The following PTPRN2 variants were observed in gnomAD, a reference collection of about 807,000 sequenced individuals.
PTPRN2 encodes the protein receptor-type tyrosine-protein phosphatase N2.
Under a neutral mutation model 118.8 loss-of-function variants are expected in PTPRN2, and 74 were observed. The ratio of observed to expected loss-of-function variants is 0.62; its 90% CI spans 0.52 to 0.76. PTPRN2 has a LOEUF of 0.76. Ranked by LOEUF, PTPRN2 falls within the 30% of genes least tolerant of loss-of-function variation. The pLI is 0.00. For missense variants in PTPRN2, 1,481 were observed against 1,394.4 expected, an observed-to-expected ratio of 1.06 and a Z score of -0.99; for synonymous variants, 641 against 608.0, an observed-to-expected ratio of 1.05 and a Z score of -0.80.
chr7:158,172,302 G>T (rs1823771410), intron 5 of PTPRN2, among the ~76,000 whole-genome samples: 1 of 152,174 alleles, frequency 6.6e-6, no homozygotes, highest in Non-Finnish European at 1.5e-5. Context: ...CCACTGTGAG[G>T]ATTAGGGAGA....
Position 158,517,503 on chromosome 7 carries a change from C to G in PTPRN2, c.113-27718G>C, listed in dbSNP as rs1823657689. 6.6e-6 allele frequency among the ~76,000 whole-genome samples: 1 copy of G among 152,218 alleles called. No individual in the cohort carries two copies. ...TGACTCTGCCTCAGCCCCACCGCCC[C>G]CCAGCCTGAGCCCCGTTCCACCTCC... On this transcript the variant is annotated intron_variant, in intron 1 of 22. Transcript: ENST00000389418. The surrounding 1 kb of genome is among the most constrained non-coding windows in gnomAD (Gnocchi z 5.3).
intron 11 of PTPRN2, among the ~76,000 whole-genome samples, chr7:158,002,743 G>GA (rs1206017146): frequency 6.6e-6 from 1 of 152,230 alleles, no homozygotes; most frequent in African/African-American, 2.4e-5. Context: ...CAGCTGCAGC[G>GA]AGAGAAATGG....
At chr7:157,745,795 G>T (rs1028836557) in intron 12 of PTPRN2, among the ~76,000 whole-genome samples, 1 of 152,174 alleles carries the variant, frequency 6.6e-6, no homozygotes, top group Non-Finnish European at 1.5e-5. Context: ...TTTCCAGGCA[G>T]TCGGTAAATG....
At position 157,760,255 on chromosome 7, in the gene PTPRN2, G is replaced by A. The variant is rs555795567; in HGVS notation, c.1789-77318C>T. Among the ~76,000 whole-genome samples the A allele has an allele frequency of 1.2e-3, 189 of 152,210 alleles. 1 individual carries two copies. The highest frequency in any genetic ancestry group is 4.5e-3 in the African/African-American group (188 of 41,506). On this transcript the variant is annotated intron_variant, in intron 12 of 22. Transcript: ENST00000389418. ...AATCTTACAGCTGATGTGGGGTAGAGACAGAATCCCACCCAGGTTTGGCTC... is the reference window on the plus strand; with the variant it reads ...AATCTTACAGCTGATGTGGGGTAGAAACAGAATCCCACCCAGGTTTGGCTC...
At chr7:157,809,637 C>T (rs895067342) in intron 12 of PTPRN2, among the ~76,000 whole-genome samples, 3 of 152,154 alleles carry the variant, frequency 2.0e-5, no homozygotes, top group Non-Finnish European at 4.4e-5. Context: ...AGACACGCCC[C>T]GAGGACGGAG....
intron 2 of PTPRN2, among the ~76,000 whole-genome samples, chr7:158,413,746 C>A (rs954609320): frequency 6.6e-6 from 1 of 152,200 alleles, no homozygotes; most frequent in Admixed American, 6.5e-5. Flanking sequence ...GCCCATCCTG[C>A]GGGTGCTGGG....
chr7:157,747,413 G>A (rs1163392575), intron 12 of PTPRN2, among the ~76,000 whole-genome samples: 6 of 131,146 alleles, frequency 4.6e-5, no homozygotes, highest in South Asian at 5.5e-4. Flanking sequence ...TGAGGCCTGC[G>A]TCCCTGAGCT....
At chr7:157,875,249 G>GTCCTGGAAGTCTCCTGGGGGCTCCTTCT (rs1795685512) in intron 12 of PTPRN2, among the ~76,000 whole-genome samples, 2 of 152,214 alleles carry the variant, frequency 1.3e-5, no homozygotes, top group Admixed American at 1.3e-4. Flanking sequence ...AGACCGTGCT[G>GTCCTGGAAGTCTCCTGGGGGCTCCTTCT]TCCTGGAAGT....
intron 2 of PTPRN2, among the ~76,000 whole-genome samples, chr7:158,344,572 G>A (rs142381035): frequency 2.4e-4 from 36 of 152,234 alleles, no homozygotes; most frequent in African/African-American, 7.2e-4. Context: ...ATCTGGAATC[G>A]CATAAAACGT....
intron 2 of PTPRN2, among the ~76,000 whole-genome samples, chr7:158,342,293 C>T (rs1807031504): frequency 1.5e-5 from 2 of 135,626 alleles, no homozygotes; most frequent in South Asian, 5.3e-4. Context: ...ATAGAGCTGA[C>T]ACCCGCAGAC....
At chr7:158,122,822 G>A (rs1295552713) in intron 9 of PTPRN2, among the ~76,000 whole-genome samples, 1 of 152,164 alleles carries the variant, frequency 6.6e-6, no homozygotes, top group African/African-American at 2.4e-5. Context: ...GGTGGGGTGA[G>A]CCCGGGGACC....
intron 16 of PTPRN2, among the ~76,000 whole-genome samples, chr7:157,601,608 C>A (rs1001474515): frequency 6.6e-6 from 1 of 152,248 alleles, no homozygotes; most frequent in African/African-American, 2.4e-5. Flanking sequence ...CAAACACACA[C>A]CCCCTCTGGT....
chr7:157,562,902 A>C (rs1199132520), intron 21 of PTPRN2, among the ~76,000 whole-genome samples: 1 of 100,156 alleles, frequency 1.0e-5, no homozygotes, highest in Non-Finnish European at 1.9e-5. Flanking sequence ...GTGCTCCCGC[A>C]TCACCACACA....
At chr7:157,644,059 C>A (rs1338101834) in intron 14 of PTPRN2, among the ~76,000 whole-genome samples, 4 of 152,260 alleles carry the variant, frequency 2.6e-5, no homozygotes, top group Non-Finnish European at 5.9e-5. Flanking sequence ...CTGTTACGGG[C>A]TGAACCATTC....
intron 5 of PTPRN2, among the ~76,000 whole-genome samples, chr7:158,191,495 T>C (rs1162614179): frequency 6.6e-6 from 1 of 152,184 alleles, no homozygotes; most frequent in Non-Finnish European, 1.5e-5. Context: ...CTGGCAGGGC[T>C]GGGCTCCAAA....
chr7:158,334,141 G>A (rs1329452546), intron 2 of PTPRN2, among the ~76,000 whole-genome samples: 1 of 30,682 alleles, frequency 3.3e-5, no homozygotes, highest in Non-Finnish European at 6.2e-5. Context: ...CACCATAAGA[G>A]GTGACACATG....
At chr7:157,851,822 TTTC>T (rs1236724472) in intron 12 of PTPRN2, among the ~76,000 whole-genome samples, 1 of 152,250 alleles carries the variant, frequency 6.6e-6, no homozygotes, top group African/African-American at 2.4e-5. Context: ...CATGGCAAAC[TTTC>T]TTTTCTGTTT....
At chr7:158,308,380 A>G (rs1266468409) in intron 3 of PTPRN2, among the ~76,000 whole-genome samples, 1 of 152,252 alleles carries the variant, frequency 6.6e-6, no homozygotes, top group Non-Finnish European at 1.5e-5. Context: ...AAAGGACATT[A>G]GACAGTGAGT....
chr7:158,393,870 C>T (rs984252145), intron 2 of PTPRN2, among the ~76,000 whole-genome samples: 7 of 152,048 alleles, frequency 4.6e-5, no homozygotes, highest in Non-Finnish European at 5.9e-5. Context: ...TCCATCACCT[C>T]CCTCCCCAGC....
Sources: allele counts gnomAD v4.1 joint callset (sites outside exome capture counted in the v4.1 genomes callset), GRCh38; gene constraint gnomAD v4.1.1; non-coding constraint Gnocchi (gnomAD v3.1); transcripts MANE v1.5; gene names NCBI Gene and HGNC (gene_info 2026-07-23, HGNC 2026-07-21).